Variants in MDGA2 observed in about 807,000 individuals in gnomAD.
MDGA2 encodes the protein MAM domain containing glycosylphosphatidylinositol anchor 2.
In MDGA2, 40 loss-of-function variants were observed where a neutral mutation model predicts 117.8. The ratio of observed to expected loss-of-function variants is 0.34; its 90% CI spans 0.26 to 0.44. The LOEUF (loss-of-function observed/expected upper bound fraction) is 0.44. Among genes scored for constraint, MDGA2 ranks in the 20% least tolerant of loss-of-function variants. The pLI, the probability that MDGA2 is intolerant of heterozygous loss-of-function variation, is 1.00. For synonymous variants in MDGA2, 452 were observed against 439.0 expected (o/e 1.03, Z -0.37); for missense variants, 1,123 against 1,250.6 (o/e 0.90, Z 1.54).
At chr14:47,626,725 T>TCC (rs1419489477) in intron 1 of MDGA2, among the ~76,000 whole-genome samples, 2 of 152,244 alleles carry the variant, frequency 1.3e-5, no homozygotes, top group Admixed American at 6.5e-5. Flanking sequence ...GTTGGATTTC[T>TCC]CCCCGGCCCT....
At chr14:47,514,917 A>G (rs185975048) in intron 1 of MDGA2, among the ~76,000 whole-genome samples, 92 of 152,286 alleles carry the variant, frequency 6.0e-4, no homozygotes, top group African/African-American at 2.1e-3. Context: ...GCCCTGTCCC[A>G]TCTCCTGTGA....
At chr14:47,149,516 T>C (rs1269008701) in intron 3 of MDGA2, among the ~76,000 whole-genome samples, 5 of 152,198 alleles carry the variant, frequency 3.3e-5, no homozygotes, top group Admixed American at 3.3e-4. Flanking sequence ...ACATTCTTAC[T>C]GCTTTAGTCA....
chr14:47,121,361 A>T (rs1881640828), intron 5 of MDGA2, among the ~76,000 whole-genome samples: 1 of 152,092 alleles, frequency 6.6e-6, no homozygotes, highest in Admixed American at 6.6e-5. Context: ...TAATAAACAT[A>T]CTCACTCTAA....
At chr14:47,397,758 T>C (rs1345405033) in intron 1 of MDGA2, among the ~76,000 whole-genome samples, 1 of 152,144 alleles carries the variant, frequency 6.6e-6, no homozygotes, top group South Asian at 2.1e-4. Flanking sequence ...CATACAGAGA[T>C]ACTTCAGAAA....
At chr14:47,416,681 C>T (rs1210737533) in intron 1 of MDGA2, among the ~76,000 whole-genome samples, 1 of 152,164 alleles carries the variant, frequency 6.6e-6, no homozygotes, top group Non-Finnish European at 1.5e-5. Context: ...GGTAGGTACA[C>T]TCTCAGAGCA....
chr14:46,994,724 C>A (rs764742012), intron 8 of MDGA2, among the ~76,000 whole-genome samples: 14 of 152,080 alleles, frequency 9.2e-5, no homozygotes, highest in Non-Finnish European at 1.5e-4. Context: ...TGATGCAAAA[C>A]AGCCTTAAAT....
At chr14:47,548,551 AT>A (rs963907946) in intron 1 of MDGA2, among the ~76,000 whole-genome samples, 1 of 152,162 alleles carries the variant, frequency 6.6e-6, no homozygotes, top group Non-Finnish European at 1.5e-5. Context: ...TGAGACAGAG[AT>A]TTCTTAAATG....
chr14:47,518,416 T>C (rs775179476), intron 1 of MDGA2, among the ~76,000 whole-genome samples: 14 of 152,172 alleles, frequency 9.2e-5, no homozygotes, highest in Non-Finnish European at 1.8e-4. Flanking sequence ...TTGATAAATA[T>C]ATAAAACTTG....
At chr14:47,146,502 AT>A (rs1882949967) in intron 3 of MDGA2, among the ~76,000 whole-genome samples, 1 of 152,206 alleles carries the variant, frequency 6.6e-6, no homozygotes, top group Non-Finnish European at 1.5e-5. Flanking sequence ...ATGTTTTGAG[AT>A]TTTTAAAACC....
Position 46,855,168 on chromosome 14 carries a change from T to C in MDGA2, c.2753-14A>G, listed in dbSNP as rs1881221473. ...CATTTAAGACACCTAAAAATGACAA[T>C]AAAATTTTATTTTGCATATTCATTT... On this transcript the variant is annotated splice_polypyrimidine_tract_variant and intron_variant, in intron 14 of 16. Coordinates refer to ENST00000399232, the MANE Select transcript of MDGA2 (RefSeq NM_001113498.3). The surrounding 1 kb of genome is among the most constrained non-coding windows in gnomAD (Gnocchi z 4.1). 1.3e-6 allele frequency: 2 copies of C among 1,587,846 alleles called. No homozygotes were observed. The highest frequency in any genetic ancestry group is 3.8e-5 in the Admixed American group (2 of 53,296).
At chr14:47,002,243 T>C (rs1566568877) in intron 8 of MDGA2, among the ~76,000 whole-genome samples, 1 of 152,066 alleles carries the variant, frequency 6.6e-6, no homozygotes, top group Non-Finnish European at 1.5e-5. Flanking sequence ...GAATAAAGAA[T>C]AAGAAGGCTT....
At chr14:47,281,349 G>A (rs1888483102) in intron 2 of MDGA2, among the ~76,000 whole-genome samples, 1 of 151,932 alleles carries the variant, frequency 6.6e-6, no homozygotes. Context: ...CATACATTAT[G>A]TATTTTAGTG....
At chr14:47,636,952 A>G (rs2138236245) in intron 1 of MDGA2, among the ~76,000 whole-genome samples, 1 of 151,866 alleles carries the variant, frequency 6.6e-6, no homozygotes, top group African/African-American at 2.4e-5. Flanking sequence ...AGCCTGGGTG[A>G]CAGAGCGAGA....
intron 4 of MDGA2, among the ~76,000 whole-genome samples, chr14:47,134,680 A>G (rs1882364487): frequency 6.6e-6 from 1 of 151,860 alleles, no homozygotes; most frequent in Non-Finnish European, 1.5e-5. Flanking sequence ...ATATATAGGT[A>G]CAGATACATG....
intron 5 of MDGA2, among the ~76,000 whole-genome samples, chr14:47,113,945 T>C (rs1019094139): frequency 3.9e-5 from 6 of 152,110 alleles, no homozygotes; most frequent in Non-Finnish European, 4.4e-5. Context: ...GGTATTCAGA[T>C]AGAAAGAGAG....
At chr14:47,381,360 G>A (rs998704376) in intron 1 of MDGA2, among the ~76,000 whole-genome samples, 3 of 152,144 alleles carry the variant, frequency 2.0e-5, no homozygotes, top group Non-Finnish European at 4.4e-5. Flanking sequence ...GTTCTGGCCA[G>A]GGCAATCAGA....
At chr14:46,945,689 T>C (rs977248954) in intron 9 of MDGA2, among the ~76,000 whole-genome samples, 2 of 152,132 alleles carry the variant, frequency 1.3e-5, no homozygotes, top group African/African-American at 4.8e-5. Flanking sequence ...TACCTTGCTA[T>C]GCTCATATAC....
At chr14:47,237,430 G>A (rs982495874) in intron 2 of MDGA2, among the ~76,000 whole-genome samples, 1 of 152,104 alleles carries the variant, frequency 6.6e-6, no homozygotes, top group Non-Finnish European at 1.5e-5. Context: ...TCTAAATAAT[G>A]AGTAGGACTT....
At position 47,305,867 on chromosome 14, in the gene MDGA2, G is replaced by GA. The variant is rs1336033513; in HGVS notation, c.281-4318dup. On this transcript the variant is annotated intron_variant, in intron 1 of 16. Coordinates refer to ENST00000399232, the MANE Select transcript of MDGA2 (RefSeq NM_001113498.3). Reference sequence around the variant, plus strand: ...AGACGATAGCTAAATCTGCCTGGGGGAGTCTAACAAGTTTCGCAAAGTCAG... The same window carrying GA: ...AGACGATAGCTAAATCTGCCTGGGGGAAGTCTAACAAGTTTCGCAAAGTCAG... Among the ~76,000 whole-genome samples the GA allele has an allele frequency of 3.3e-5, 5 of 152,306 alleles. No individual in the cohort carries two copies. In the South Asian group the frequency reaches 1.0e-3, roughly 32 times the overall value.
Sources: gnomAD v4.1 joint callset for allele counts (sites outside exome capture counted in the v4.1 genomes callset) on GRCh38, gnomAD v4.1.1 for gene constraint, Gnocchi (gnomAD v3.1) non-coding constraint, MANE v1.5 for transcripts, NCBI Gene and HGNC (gene_info 2026-07-23, HGNC 2026-07-21) for gene names.